The following PINX1 variants were observed in gnomAD, a reference collection of about 807,000 sequenced individuals.
PINX1 encodes PIN2/TERF1-interacting telomerase inhibitor 1.
PINX1 carries 34 observed loss-of-function variants against 25.4 expected under a neutral mutation model. That is an observed-to-expected ratio of 1.34 (90% confidence interval 1.02 to 1.78). The LOEUF (loss-of-function observed/expected upper bound fraction) is 1.78. PINX1 is among the 40% of genes most tolerant of loss of function. The pLI, the probability that PINX1 is intolerant of heterozygous loss-of-function variation, is 0.00. For missense variants in PINX1, 592 were observed against 404.9 expected (o/e 1.46, Z -3.97); for synonymous variants, 197 against 147.7 (o/e 1.33, Z -2.42).
rs115635759 is a variant in PINX1 at position 10,805,268 on chromosome 8, A to G, written c.471+14925T>C. On this transcript the variant is annotated intron_variant, in intron 6 of 6. Coordinates refer to ENST00000314787, the MANE Select transcript of PINX1 (RefSeq NM_017884.6). The stretch of plus-strand genomic sequence containing the variant: ...CCTGCTGGCTACAGGAGGCACACGC[A>G]AAAGACATCCACGTCAGGGTAATAA... Among the ~76,000 whole-genome samples, 598 of 152,370 alleles carry G rather than the reference A, an allele frequency of 3.9e-3. 4 individuals carry two copies. The highest frequency in any genetic ancestry group is 0.014 in the African/African-American group (568 of 41,592).
intron 6 of PINX1, among the ~76,000 whole-genome samples, chr8:10,799,826 G>A (rs572149430): frequency 1.3e-5 from 2 of 152,160 alleles, no homozygotes; most frequent in Non-Finnish European, 2.9e-5. Flanking sequence ...GAATTTTACT[G>A]GGCAAAGTAG....
intron 6 of PINX1, among the ~76,000 whole-genome samples, chr8:10,782,680 G>A (rs2129074205): frequency 6.6e-6 from 1 of 152,292 alleles, no homozygotes; most frequent in African/African-American, 2.4e-5. Context: ...AGGTTGCAGT[G>A]AGCCGAGATG....
At chr8:10,837,468 C>A (rs1798436942) in intron 1 of PINX1, among the ~76,000 whole-genome samples, 1 of 152,198 alleles carries the variant, frequency 6.6e-6, no homozygotes, top group Non-Finnish European at 1.5e-5. Flanking sequence ...CGACTATATG[C>A]TGAGTCCTGT....
intron 6 of PINX1, among the ~76,000 whole-genome samples, chr8:10,787,180 A>C (rs1801777168): frequency 1.3e-5 from 2 of 151,892 alleles, no homozygotes; most frequent in Admixed American, 6.6e-5. Context: ...ATGTATTTAC[A>C]TATATATACA....
intron 5 of PINX1, among the ~76,000 whole-genome samples, chr8:10,825,045 C>A (rs891060882): frequency 3.3e-5 from 5 of 152,300 alleles, no homozygotes; most frequent in Admixed American, 3.3e-4. Flanking sequence ...AGAGCCACGG[C>A]TGCTGGAGAG....
intron 5 of PINX1, among the ~76,000 whole-genome samples, chr8:10,823,848 G>T (rs1490315220): frequency 2.9e-4 from 44 of 152,052 alleles, no homozygotes; most frequent in Admixed American, 2.8e-3. Context: ...TAAAAATAAT[G>T]ATACAGCTGA....
chr8:10,819,179 G>T (rs2129085397), intron 6 of PINX1, among the ~76,000 whole-genome samples: 1 of 152,332 alleles, frequency 6.6e-6, no homozygotes, highest in Non-Finnish European at 1.5e-5. Context: ...AAAGACCCAG[G>T]AATTCAGTCC....
chr8:10,794,647 G>C (rs1050473959), intron 6 of PINX1, among the ~76,000 whole-genome samples: 2 of 152,072 alleles, frequency 1.3e-5, no homozygotes, highest in African/African-American at 4.8e-5. Flanking sequence ...GGCTGATCTC[G>C]AACTCCTGAC....
At chr8:10,808,797 T>C (rs1802535776) in intron 6 of PINX1, among the ~76,000 whole-genome samples, 2 of 152,202 alleles carry the variant, frequency 1.3e-5, no homozygotes, top group African/African-American at 4.8e-5. Context: ...CTATCTGACA[T>C]GAATAAGTAG....
Position 10,839,802 on chromosome 8 carries a change from G to T in PINX1, c.-46C>A, listed in dbSNP as rs758953296. On this transcript the variant is annotated 5_prime_UTR_variant, in exon 1 of 7. Transcript: ENST00000314787. ...GCCGCCTCTGGACCTGGGTGACTGCGGCCACTGGGCGGGCTGGAGACTCCA... is the reference window on the plus strand; with the variant it reads ...GCCGCCTCTGGACCTGGGTGACTGCTGCCACTGGGCGGGCTGGAGACTCCA... 3 of 1,581,476 alleles carry T rather than the reference G, an allele frequency of 1.9e-6. No individual in the cohort carries two copies. Among genetic ancestry groups the T allele is most frequent in the Non-Finnish European group, 8.6e-7 (1 of 1,160,842 alleles).
chr8:10,783,036 A>G (rs1244034030), intron 6 of PINX1, among the ~76,000 whole-genome samples: 1 of 152,240 alleles, frequency 6.6e-6, no homozygotes, highest in African/African-American at 2.4e-5. Flanking sequence ...AGAGGAACAG[A>G]AAGAAATATG....
At chr8:10,820,442 AAATT>A (rs1451996614) in intron 5 of PINX1, 173 bp from the exon 6 acceptor site, 1 of 652,020 alleles carries the variant, frequency 1.5e-6, no homozygotes, top group Non-Finnish European at 2.8e-6. Context: ...TTAGTAAACA[AAATT>A]AATTAAATTT....
At chr8:10,788,479 C>T (rs7002757) in intron 6 of PINX1, among the ~76,000 whole-genome samples, 24,277 of 151,966 alleles carry the variant, frequency 0.16, 2,443 homozygotes, top group Non-Finnish European at 0.23. Flanking sequence ...GCAAGAGAAT[C>T]GCTTGAAACC....
At chr8:10,811,896 G>T (rs1221604118) in intron 6 of PINX1, among the ~76,000 whole-genome samples, 1 of 152,164 alleles carries the variant, frequency 6.6e-6, no homozygotes, top group Admixed American at 6.5e-5. Flanking sequence ...AGAGGGGAGG[G>T]GGCCAGACTC....
intron 6 of PINX1, among the ~76,000 whole-genome samples, chr8:10,798,319 T>C (rs575923806): frequency 3.9e-5 from 6 of 152,350 alleles, no homozygotes; most frequent in African/African-American, 1.4e-4. Context: ...TGAGAAATTA[T>C]TACTTCAAGT....
chr8:10,789,411 C>G (rs905177800), intron 6 of PINX1, among the ~76,000 whole-genome samples: 5 of 152,242 alleles, frequency 3.3e-5, no homozygotes, highest in African/African-American at 1.2e-4. Flanking sequence ...CATCACTTCT[C>G]ACAGTTACCT....
chr8:10,824,518 C>T (rs1189627432), intron 5 of PINX1, among the ~76,000 whole-genome samples: 3 of 152,262 alleles, frequency 2.0e-5, no homozygotes, highest in South Asian at 2.1e-4. Context: ...ACAGAACCCT[C>T]GCTGGAAGAC....
intron 6 of PINX1, among the ~76,000 whole-genome samples, chr8:10,814,776 A>T (rs565010138): frequency 2.6e-4 from 39 of 152,334 alleles, no homozygotes; most frequent in South Asian, 2.1e-3. Flanking sequence ...GAGAAGAATG[A>T]TGAGGCTTCA....
chr8:10,826,555 T>A (rs1436461755), intron 4 of PINX1, among the ~76,000 whole-genome samples: 2 of 152,240 alleles, frequency 1.3e-5, no homozygotes, highest in African/African-American at 2.4e-5. Flanking sequence ...AATGTTCACA[T>A]TAGCCTTATT....
Sources: gnomAD v4.1 joint callset for allele counts (sites outside exome capture counted in the v4.1 genomes callset) on GRCh38, gnomAD v4.1.1 for gene constraint, MANE v1.5 for transcripts, NCBI Gene and HGNC (gene_info 2026-07-23, HGNC 2026-07-21) for gene names.